Variants in SPTBN1 observed in about 807,000 individuals in gnomAD.
SPTBN1 encodes spectrin beta chain, non-erythrocytic 1.
A neutral mutation model predicts 266.4 loss-of-function variants in SPTBN1; 32 were observed. The observed-to-expected ratio is 0.12, with a 90% CI of 0.09 to 0.16. SPTBN1 has a LOEUF of 0.16. Ranked by LOEUF, SPTBN1 falls within the 10% of genes least tolerant of loss-of-function variation. SPTBN1 has a pLI of 1.00. For missense variants in SPTBN1, 2,296 were observed against 3,067.1 expected (o/e 0.75, Z 5.94); for synonymous variants, 1,336 against 1,162.2 (o/e 1.15, Z -3.04).
At chr2:54,613,877 G>A (rs1363878969) in intron 4 of SPTBN1, among the ~76,000 whole-genome samples, 1 of 152,208 alleles carries the variant, frequency 6.6e-6, no homozygotes, top group Non-Finnish European at 1.5e-5. Flanking sequence ...GTAAAATGTT[G>A]TATTTCTGTT....
intron 1 of SPTBN1, among the ~76,000 whole-genome samples, chr2:54,499,687 A>G (rs1669148883): frequency 6.6e-6 from 1 of 152,254 alleles, no homozygotes; most frequent in Admixed American, 6.5e-5. Flanking sequence ...GATACAGGTA[A>G]TAGAAGTAAT....
intron 18 of SPTBN1, among the ~76,000 whole-genome samples, chr2:54,638,044 C>T (rs1398746573): frequency 6.6e-6 from 1 of 152,204 alleles, no homozygotes; most frequent in Non-Finnish European, 1.5e-5. Context: ...CTGTTCATTA[C>T]AGTAGACACC....
At position 54,645,198 on chromosome 2, in the gene SPTBN1, C is replaced by T. The variant is rs1250647174; in HGVS notation, c.4270-31C>T. On this transcript the variant is annotated intron_variant, in intron 20 of 35. Transcript: ENST00000356805. The surrounding 1 kb of genome is among the most constrained non-coding windows in gnomAD (Gnocchi z 4.3). ...CAGTCACTGCAAAAGATAGTCTGTG[C>T]TGAGCGCTGAGGCTGCTTCTCTGCC... 4 of 1,611,716 alleles carry T rather than the reference C, an allele frequency of 2.5e-6. No homozygotes were observed. Among genetic ancestry groups the T allele is most frequent in the Admixed American group, 3.3e-5 (2 of 60,020 alleles).
intron 2 of SPTBN1, among the ~76,000 whole-genome samples, chr2:54,582,397 A>G (rs1177002600): frequency 6.6e-6 from 1 of 151,822 alleles, no homozygotes; most frequent in Non-Finnish European, 1.5e-5. Context: ...AGCACCCTCC[A>G]TTTAGAAATA....
In SPTBN1 at chr2:54,558,942, A is replaced by G; in HGVS notation, c.148+32376A>G. ...CCTGGGTGCCAACGGGGGTTCTTGG[A>G]GGCTTTATTTGTGACCCTAATGAAG... is the stretch of plus-strand genomic sequence containing the variant. On this transcript the variant is annotated intron_variant, in intron 2 of 35. Transcript: ENST00000356805. This position sits in a 1 kb window ranked among gnomAD's most constrained non-coding sequence, Gnocchi z 4.6. 6.3e-7 allele frequency: 1 copy of G among 1,583,202 alleles called. No individual in the cohort carries two copies. The highest frequency in any genetic ancestry group is 8.6e-7 in the Non-Finnish European group (1 of 1,162,148).
At chr2:54,508,184 G>C (rs1024231481) in intron 1 of SPTBN1, among the ~76,000 whole-genome samples, 1 of 152,172 alleles carries the variant, frequency 6.6e-6, no homozygotes, top group Non-Finnish European at 1.5e-5. Context: ...TTATCGGACT[G>C]TATAGAGGTG....
At chr2:54,569,981 C>CA (rs397953441) in intron 2 of SPTBN1, among the ~76,000 whole-genome samples, 3 of 147,926 alleles carry the variant, frequency 2.0e-5, no homozygotes, top group Non-Finnish European at 4.5e-5. Context: ...TCCCCCCCCC[C>CA]TTTAGAAAGA....
rs185817924 is a variant in SPTBN1 at position 54,503,230 on chromosome 2, C to T, written c.-47-23142C>T. ...TTATGCTCAGCTTTTTTGCATGCTC[C>T]GCATGGAGATATGAACACAATTCTC... On this transcript the variant is annotated intron_variant, in intron 1 of 35. Transcript: ENST00000356805. Among the ~76,000 whole-genome samples the T allele has an allele frequency of 3.9e-5, 6 of 152,284 alleles. No homozygotes were observed. In the East Asian group the frequency reaches 9.6e-4, roughly 24 times the overall value.
chr2:54,626,647 G>A lies in SPTBN1; in HGVS notation c.1644+413G>A, dbSNP rs1360540942. The stretch of plus-strand genomic sequence containing the variant: ...AGGAGTGGTAGGTGCCATGGACAGA[G>A]GAGAGGTCAGGAACCAGGCAGCCAG... On this transcript the variant is annotated intron_variant, in intron 12 of 35. Transcript: ENST00000356805. The surrounding 1 kb of genome is among the most constrained non-coding windows in gnomAD (Gnocchi z 4.7). Among the ~76,000 whole-genome samples the A allele has an allele frequency of 2.0e-5, 3 of 152,218 alleles. No individual in the cohort carries two copies. The highest frequency in any genetic ancestry group is 4.4e-5 in the Non-Finnish European group (3 of 68,030).
intron 3 of SPTBN1, among the ~76,000 whole-genome samples, chr2:54,602,068 C>T (rs921710829): frequency 6.6e-6 from 1 of 152,118 alleles, no homozygotes; most frequent in Non-Finnish European, 1.5e-5. Flanking sequence ...GCTCATAGAG[C>T]AGTGAGAAGG....
intron 1 of SPTBN1, among the ~76,000 whole-genome samples, chr2:54,493,193 A>T (rs376839548): frequency 1.3e-5 from 2 of 151,528 alleles, no homozygotes; most frequent in African/African-American, 4.9e-5. Flanking sequence ...TTTTGTAGAG[A>T]TGGGGTTTCG....
At chr2:54,482,292 A>G (rs1247262891) in intron 1 of SPTBN1, among the ~76,000 whole-genome samples, 1 of 151,756 alleles carries the variant, frequency 6.6e-6, no homozygotes, top group Non-Finnish European at 1.5e-5. Flanking sequence ...AGGAGGGAGG[A>G]TCACTTGAGT....
chr2:54,548,515 G>C (rs1310307475), intron 2 of SPTBN1, among the ~76,000 whole-genome samples: 1 of 152,202 alleles, frequency 6.6e-6, no homozygotes, highest in Non-Finnish European at 1.5e-5. Flanking sequence ...AGGACATTAA[G>C]GTGAGTTTTC....
intron 1 of SPTBN1, among the ~76,000 whole-genome samples, chr2:54,495,671 A>C (rs1178769839): frequency 6.6e-6 from 1 of 151,270 alleles, no homozygotes; most frequent in East Asian, 2.0e-4. Context: ...CATAATTTGC[A>C]TGTGTTTTTA....
intron 2 of SPTBN1, among the ~76,000 whole-genome samples, chr2:54,556,728 T>C (rs1308007040): frequency 6.6e-6 from 1 of 152,044 alleles, no homozygotes; most frequent in African/African-American, 2.4e-5. Flanking sequence ...GAGGGGTGCA[T>C]TTTGAAGAAT....
intron 1 of SPTBN1, among the ~76,000 whole-genome samples, chr2:54,470,994 T>G (rs1693890841): frequency 1.3e-5 from 2 of 152,262 alleles, no homozygotes; most frequent in African/African-American, 2.4e-5. Context: ...AGTGTTTTAC[T>G]TTATGTATAG....
intron 20 of SPTBN1, among the ~76,000 whole-genome samples, chr2:54,644,954 A>G (rs772965917): frequency 8.5e-5 from 13 of 152,254 alleles, no homozygotes; most frequent in Non-Finnish European, 1.9e-4. Context: ...GATTTGTGAC[A>G]GTTATCTGAG....
intron 27 of SPTBN1, among the ~76,000 whole-genome samples, chr2:54,654,109 C>T (rs144024233): frequency 5.5e-4 from 84 of 152,262 alleles, no homozygotes; most frequent in African/African-American, 1.8e-3. Flanking sequence ...CTCCCTTGAC[C>T]CACAGTCACT....
intron 24 of SPTBN1, among the ~76,000 whole-genome samples, chr2:54,648,676 C>G (rs1438198393): frequency 6.6e-6 from 1 of 152,214 alleles, no homozygotes; most frequent in African/African-American, 2.4e-5. Context: ...TTTCCCCTTT[C>G]CCCGCTAAAT....
Sources: allele counts gnomAD v4.1 joint callset (sites outside exome capture counted in the v4.1 genomes callset), GRCh38; gene constraint gnomAD v4.1.1; non-coding constraint Gnocchi (gnomAD v3.1); transcripts MANE v1.5; gene names NCBI Gene and HGNC (gene_info 2026-07-23, HGNC 2026-07-21).